The following CDAN1 variants were observed in gnomAD, a reference collection of about 807,000 sequenced individuals.
CDAN1 encodes codanin 1.
In CDAN1, 107 loss-of-function variants were observed where a neutral mutation model predicts 139.8. The ratio of observed to expected loss-of-function variants is 0.77; its 90% CI spans 0.65 to 0.90. CDAN1 has a LOEUF of 0.90. Ranked by LOEUF, CDAN1 falls within the 40% of genes least tolerant of loss-of-function variation. The pLI, the probability that CDAN1 is intolerant of heterozygous loss-of-function variation, is 0.00. For missense variants in CDAN1, 1,667 were observed against 1,575.7 expected, an observed-to-expected ratio of 1.06 and a Z score of -0.98; for synonymous variants, 776 against 660.6, an observed-to-expected ratio of 1.17 and a Z score of -2.68.
At chr15:42,733,538 G>A (rs113507180) in intron 8 of CDAN1, among the ~76,000 whole-genome samples, 8,688 of 152,204 alleles carry the variant, frequency 0.057, 612 homozygotes, top group African/African-American at 0.18. Context: ...GCCTCCTGAA[G>A]TGCTAGGATT....
In CDAN1 at chr15:42,728,580, A is replaced by G. The variant is rs542817784; in HGVS notation, c.2804+72T>C. On this transcript the variant is annotated intron_variant, in intron 20 of 27. Transcript: ENST00000356231. ...GAAGAGAAGAAAGGGAAAAAAGAGT[A>G]AGTGTGAAGGAGGAAAGAAAGGACA... is the stretch of plus-strand genomic sequence containing the variant. 5 of 1,578,592 alleles carry G rather than the reference A, an allele frequency of 3.2e-6. No homozygotes were observed. The South Asian group carries it at 3.3e-5, about 10-fold the overall frequency.
intron 14 of CDAN1, 131 bp from the exon 15 acceptor site, chr15:42,730,346 C>A: frequency 2.1e-6 from 2 of 956,470 alleles, no homozygotes; most frequent in Admixed American, 3.8e-5. Flanking sequence ...AAGCAGGATC[C>A]CCCCAGCCCC....
chr15:42,729,827 T>C lies in CDAN1; in HGVS notation c.2321A>G (p.Glu774Gly), dbSNP rs774557809. Residue 774 changes from glutamate to glycine, a missense_variant, in exon 16 of 28, where the codon GAG becomes GGG. Around this residue, in one of 3 missense-constraint regions of CDAN1, gnomAD observed 936 missense variants for 844.1 expected, o/e 1.11. Coordinates refer to ENST00000356231, the MANE Select transcript of CDAN1 (RefSeq NM_138477.4). ...FLEEGPSYAF[E>G]VDTVAPEHGL... is the part of the protein sequence containing the mutation. ...ATGCTCTGGGGCTACTGTGTCCACCTCAAAGGCATATGAGGGACCCTCTTC... is the reference window on the plus strand; with the variant it reads ...ATGCTCTGGGGCTACTGTGTCCACCCCAAAGGCATATGAGGGACCCTCTTC... The C allele has an allele frequency of 6.2e-7, 1 of 1,613,758 alleles. No individual in the cohort carries two copies. Among genetic ancestry groups the C allele is most frequent in the East Asian group, 2.2e-5 (1 of 44,860 alleles).
rs748520236 is a variant in CDAN1, at chr15:42,729,758, T to C, written c.2352+38A>G. On this transcript the variant is annotated intron_variant, in intron 16 of 27. Coordinates refer to ENST00000356231, the MANE Select transcript of CDAN1 (RefSeq NM_138477.4). ...CCAGGCAGCCCACTTCCTTTATTCC[T>C]GAGTTTCCCATGGCTCTGGCGGAAC... The C allele has an allele frequency of 5.0e-6, 8 of 1,603,090 alleles. No individual in the cohort carries two copies. In the South Asian group the frequency reaches 7.7e-5, roughly 16 times the overall value.
At position 42,728,814 on chromosome 15, in the gene CDAN1, C is replaced by G. The variant is rs747879397; in HGVS notation, c.2646-4G>C. 1.9e-6 allele frequency: 3 copies of G among 1,614,174 alleles called. No individual in the cohort carries two copies. In the East Asian group the frequency reaches 6.7e-5, roughly 36 times the overall value. The stretch of plus-strand genomic sequence containing the variant: ...CAGATCTGCCACCAGTGTAGCCCTG[C>G]AGCAGGGACAGCAAGGTTGGGGATG... On this transcript the variant is annotated splice_polypyrimidine_tract_variant and splice_region_variant and intron_variant, in intron 19 of 27. Coordinates refer to ENST00000356231, the MANE Select transcript of CDAN1 (RefSeq NM_138477.4).
Position 42,734,280 on chromosome 15 carries a change from G to A in CDAN1, c.1203C>T (p.Phe401=), listed in dbSNP as rs2061657466. ...GAAGGCGGCCTTGCAGAGCTGGTGAGAAGCACAGCAGCCGCTCATTCTCAG... is the reference window on the plus strand; with the variant it reads ...GAAGGCGGCCTTGCAGAGCTGGTGAAAAGCACAGCAGCCGCTCATTCTCAG... ...LLAENERLLC[F]SPALQGRLRA... is the part of the protein sequence containing the mutation. Residue 401 remains phenylalanine, a synonymous_variant, in exon 7 of 28, where the codon TTC becomes TTT. Coordinates refer to ENST00000356231, the MANE Select transcript of CDAN1 (RefSeq NM_138477.4). 11 of 1,613,982 alleles carry A rather than the reference G, an allele frequency of 6.8e-6. No individual in the cohort carries two copies. Among genetic ancestry groups the A allele is most frequent in the Non-Finnish European group, 9.3e-6 (11 of 1,180,026 alleles).
Position 42,727,646 on chromosome 15 carries a change from G to C in CDAN1, c.3071C>G (p.Pro1024Arg). The change falls in exon 23 of 28, where the codon CCC becomes CGC. Residue 1024 changes from proline to arginine, a missense_variant. Around this residue, in one of 3 missense-constraint regions of CDAN1, gnomAD observed 936 missense variants for 844.1 expected, o/e 1.11. Transcript: ENST00000356231. ...SRACEHHAPL[P>R]SHLISEIKDV... ...TTTTATCTCGGAGATGAGGTGGGAG[G>C]GGAGGGGAGCATGGTGCTCACAGGC... The C allele has an allele frequency of 1.3e-6, 2 of 1,582,952 alleles. No homozygotes were observed. Among genetic ancestry groups the C allele is most frequent in the Non-Finnish European group, 8.6e-7 (1 of 1,161,834 alleles).
intron 8 of CDAN1, 125 bp from the exon 9 acceptor site, chr15:42,733,311 G>C (rs1030896655): frequency 1.3e-6 from 1 of 779,804 alleles, no homozygotes; most frequent in Non-Finnish European, 2.2e-6. Context: ...TCTTGCTCTT[G>C]TCACTCAGGC....
In CDAN1 at chr15:42,728,001, C is replaced by A. The variant is rs1019306872; in HGVS notation, c.2901G>T (p.Gly967=). The A allele has an allele frequency of 6.2e-7, 1 of 1,614,050 alleles. No homozygotes were observed. Among genetic ancestry groups the A allele is most frequent in the Non-Finnish European group, 8.5e-7 (1 of 1,180,028 alleles). Residue 967 remains glycine (G), a synonymous_variant, in exon 22 of 28, where the codon GGG becomes GGT. Coordinates refer to ENST00000356231, the MANE Select transcript of CDAN1 (RefSeq NM_138477.4). ...VLSSAENIAV[G]LATEKACAWL... ...AAGCACAGGCTTTCTCTGTTGCAAG[C>A]CCCACAGCAATGTTCTCTGCACTGC...
intron 1 of CDAN1, 47 bp downstream of exon 1, chr15:42,736,966 C>A (rs2140516334): frequency 1.3e-6 from 2 of 1,519,666 alleles, no homozygotes; most frequent in East Asian, 2.6e-5. Context: ...GACTCCACTG[C>A]GGGAACCGGC....
At chr15:42,731,937 A>G (rs2061618282) in intron 10 of CDAN1, 112 bp from the exon 11 acceptor site, 3 of 943,440 alleles carry the variant, frequency 3.2e-6, no homozygotes, top group African/African-American at 1.6e-5. Context: ...AACTGTGTCA[A>G]GTGCTTTAGA....
At position 42,728,866 on chromosome 15, in the gene CDAN1, G is replaced by A. The variant is rs1330604444; in HGVS notation, c.2646-56C>T. ...TTGGAGGGTTAATCGGAAAGAGGCT[G>A]AAAATTTATGGGAATTTGGTCAGAA... On this transcript the variant is annotated intron_variant, in intron 19 of 27. Transcript: ENST00000356231. 12 of 1,610,640 alleles carry A rather than the reference G, an allele frequency of 7.5e-6. No individual in the cohort carries two copies. In the African/African-American group the frequency reaches 1.5e-4, roughly 20 times the overall value.
intron 6 of CDAN1, 75 bp downstream of exon 6, chr15:42,735,025 C>CAT: frequency 1.0e-6 from 1 of 988,738 alleles, no homozygotes; most frequent in Non-Finnish European, 1.6e-6. Context: ...TAAGCACCAG[C>CAT]ATATATCCCA....
At position 42,731,200 on chromosome 15, in the gene CDAN1, T is replaced by C; in HGVS notation, c.1860+11A>G. ...TCAGACCCCATTATTTCCCTTGTTCTGTTTTCGGACCTGCCAGTCTACGTC... is the reference window on the plus strand; with the variant it reads ...TCAGACCCCATTATTTCCCTTGTTCCGTTTTCGGACCTGCCAGTCTACGTC... On this transcript the variant is annotated intron_variant, in intron 12 of 27. Transcript: ENST00000356231. 1.9e-6 allele frequency: 3 copies of C among 1,614,224 alleles called. No homozygotes were observed. The highest frequency in any genetic ancestry group is 2.5e-6 in the Non-Finnish European group (3 of 1,180,040).
intron 6 of CDAN1, 25 bp from the exon 7 acceptor site, chr15:42,734,371 CT>C: frequency 6.2e-7 from 1 of 1,613,832 alleles, no homozygotes; most frequent in Non-Finnish European, 8.5e-7. Context: ...GCACCTATGA[CT>C]GAGACCAGAA....
At position 42,737,058 on chromosome 15, in the gene CDAN1, G is replaced by T. The variant is rs1005459634; in HGVS notation, c.45C>A (p.Val15=). 6.5e-7 allele frequency: 1 copy of T among 1,537,714 alleles called. No individual in the cohort carries two copies. The highest frequency in any genetic ancestry group is 8.8e-7 in the Non-Finnish European group (1 of 1,140,534). Residue 15 remains valine, a synonymous_variant, in exon 1 of 28, where the codon GTC becomes GTA. Coordinates refer to ENST00000356231, the MANE Select transcript of CDAN1 (RefSeq NM_138477.4). ...LESLLREEVS[V]AAVVRWIARS... The stretch of plus-strand genomic sequence containing the variant: ...GCGCGATCCACCGCACGACGGCTGC[G>T]ACCGACACCTCTTCTCGCAGCAGCG...
intron 9 of CDAN1, 124 bp downstream of exon 9, chr15:42,732,973 T>C (rs1271505765): frequency 1.9e-5 from 15 of 794,050 alleles, no homozygotes; most frequent in African/African-American, 3.5e-5. Flanking sequence ...TTTCGGAGGA[T>C]AGTAGAAAAC....
At position 42,728,037 on chromosome 15, in the gene CDAN1, C is replaced by T. The variant is rs749321986; in HGVS notation, c.2869-4G>A. On this transcript the variant is annotated splice_region_variant and splice_polypyrimidine_tract_variant and intron_variant, in intron 21 of 27. Transcript: ENST00000356231. ...TGTTCTCTGCACTGCTCAGAACCTG[C>T]GAAACAGAACTACAGAGTCAGGGGC... 1.8e-5 allele frequency: 29 copies of T among 1,613,586 alleles called. No individual in the cohort carries two copies. The South Asian group carries it at 2.0e-4, about 11-fold the overall frequency.
rs767658050 is a variant in CDAN1, at chr15:42,736,408, C to T, written c.463G>A (p.Gly155Ser). The T allele has an allele frequency of 6.2e-7, 1 of 1,609,482 alleles. No individual in the cohort carries two copies. Among genetic ancestry groups the T allele is most frequent in the South Asian group, 1.1e-5 (1 of 90,878 alleles). Reference sequence around the variant, plus strand: ...CTGGGGCGGCTGGGGCTGCCAGAGCCCCTAAGCCTCCGGCCCCCGGCTCCG... The same window carrying T: ...CTGGGGCGGCTGGGGCTGCCAGAGCTCCTAAGCCTCCGGCCCCCGGCTCCG... ...LPGAGGRRLR[G>S]SGSPSRPSLT... The change falls in exon 2 of 28, where the codon GGC becomes AGC. Residue 155 changes from glycine to serine, a missense_variant. Gly to Ser is a moderately conservative substitution (Grantham distance 56). Transcript: ENST00000356231.
Sources: allele counts gnomAD v4.1 joint callset (sites outside exome capture counted in the v4.1 genomes callset), GRCh38; gene constraint gnomAD v4.1.1; regional missense constraint gnomAD v4.1.1; transcripts MANE v1.5; gene names NCBI Gene and HGNC (gene_info 2026-07-23, HGNC 2026-07-21).